GTF2E2: variants seen among roughly 807,000 people sequenced by gnomAD.
The protein encoded by GTF2E2 is transcription initiation factor IIE subunit beta.
GTF2E2 carries 21 observed loss-of-function variants against 40.5 expected under a neutral mutation model. That is an observed-to-expected ratio of 0.52 (90% CI 0.37 to 0.75). The LOEUF (loss-of-function observed/expected upper bound fraction) is 0.75. GTF2E2 is among the 30% of genes least tolerant of loss of function. GTF2E2 has a pLI of 0.00. For synonymous variants in GTF2E2, 117 were observed against 121.6 expected, an observed-to-expected ratio of 0.96 and a Z score of 0.25; for missense variants, 298 against 338.4, an observed-to-expected ratio of 0.88 and a Z score of 0.94.
intron 5 of GTF2E2, among the ~76,000 whole-genome samples, chr8:30,611,180 T>C (rs1350081996): frequency 6.6e-6 from 1 of 152,182 alleles, no homozygotes; most frequent in African/African-American, 2.4e-5. Flanking sequence ...AGACAAGGTT[T>C]GGAGTAACTG....
At chr8:30,621,161 A>G (rs1801089205) in intron 3 of GTF2E2, among the ~76,000 whole-genome samples, 1 of 151,962 alleles carries the variant, frequency 6.6e-6, no homozygotes, top group East Asian at 1.9e-4. Flanking sequence ...TTTTTTCCCC[A>G]TTACAATCAA....
At chr8:30,614,770 A>G in intron 3 of GTF2E2, 55 bp from the exon 4 acceptor site, 1 of 920,706 alleles carries the variant, frequency 1.1e-6, no homozygotes, top group Non-Finnish European at 1.8e-6. Flanking sequence ...TAGATGCATT[A>G]AATCATAGTT....
chr8:30,625,386 C>A (rs1386309637), intron 3 of GTF2E2, among the ~76,000 whole-genome samples: 1 of 152,062 alleles, frequency 6.6e-6, no homozygotes, highest in East Asian at 1.9e-4. Context: ...TACCCTCTTA[C>A]CACTGGGTTT....
At chr8:30,645,482 T>C (rs1802034906) in intron 2 of GTF2E2, 1 of 1,535,698 alleles carries the variant, frequency 6.5e-7, no homozygotes, top group African/African-American at 1.4e-5. Flanking sequence ...CTTTATGAAG[T>C]GCTTGACTGC....
chr8:30,586,717 C>T (rs183074060), intron 6 of GTF2E2, among the ~76,000 whole-genome samples: 119 of 152,252 alleles, frequency 7.8e-4, no homozygotes, highest in African/African-American at 2.7e-3. Flanking sequence ...ATTTACAATC[C>T]GCTGATCTTT....
chr8:30,594,874 G>A (rs200226754), intron 6 of GTF2E2, among the ~76,000 whole-genome samples: 93 of 148,158 alleles, frequency 6.3e-4, no homozygotes, highest in Non-Finnish European at 1.3e-3. Context: ...AAAAAAAAAA[G>A]TATATACTAG....
At chr8:30,626,828 G>A (rs1034721755) in intron 3 of GTF2E2, among the ~76,000 whole-genome samples, 1 of 152,330 alleles carries the variant, frequency 6.6e-6, no homozygotes, top group African/African-American at 2.4e-5. Flanking sequence ...ATTCCATTGT[G>A]CAGCATCTGT....
chr8:30,650,393 T>C (rs1483092776), intron 2 of GTF2E2, among the ~76,000 whole-genome samples: 8 of 152,066 alleles, frequency 5.3e-5, no homozygotes, highest in Non-Finnish European at 1.2e-4. Context: ...TACCCATTTA[T>C]GACTAAAAAC....
rs1801178925 is a variant in GTF2E2 at position 30,623,635 on chromosome 8, G to A, written c.259-8920C>T. On this transcript the variant is annotated intron_variant, in intron 3 of 7. Transcript: ENST00000355904. The stretch of plus-strand genomic sequence containing the variant: ...GAACTAGTTTACAGTCCCACCAACA[G>A]TGTAAAAGTGTTCCTGTTTCTCCAC... 2.6e-5 allele frequency among the ~76,000 whole-genome samples: 4 copies of A among 152,116 alleles called. No homozygotes were observed. The South Asian group carries it at 8.3e-4, about 32-fold the overall frequency.
At chr8:30,604,926 A>G (rs1158864932) in intron 6 of GTF2E2, among the ~76,000 whole-genome samples, 1 of 152,222 alleles carries the variant, frequency 6.6e-6, no homozygotes, top group Non-Finnish European at 1.5e-5. Context: ...AGGAAAAAGC[A>G]AAGTTAAAAC....
intron 1 of GTF2E2, among the ~76,000 whole-genome samples, chr8:30,657,211 AC>A (rs989353203): frequency 3.4e-4 from 52 of 152,128 alleles, no homozygotes; most frequent in African/African-American, 1.2e-3. Flanking sequence ...AGATCTCTGG[AC>A]CCCCCTATGG....
At position 30,607,114 on chromosome 8, in the gene GTF2E2, CG is replaced by C; in HGVS notation, c.585del (p.Asp196IlefsTer30). ...LGDQILFVNRPDKKKILFFND... is the reference protein window; with the variant it reads ...LGDQILFVNRXDKKKILFFND... Reference sequence around the variant, plus strand: ...TTGAAGAAAAGTATTTTCTTCTTATCGGGACGATTTACAAATAGTATCTGGT... The same window carrying C: ...TTGAAGAAAAGTATTTTCTTCTTATCGGACGATTTACAAATAGTATCTGGT... On this transcript the variant is annotated frameshift_variant, in exon 6 of 8. Coordinates refer to ENST00000355904, the MANE Select transcript of GTF2E2 (RefSeq NM_002095.6). LOFTEE classifies it high-confidence loss of function. 1 of 1,490,698 alleles carries C rather than the reference CG, an allele frequency of 6.7e-7. No individual in the cohort carries two copies. The highest frequency in any genetic ancestry group is 9.2e-7 in the Non-Finnish European group (1 of 1,081,814). The allele number at this position is 1,490,698 out of a possible 1,614,324, so 92.3% of individuals were successfully genotyped here.
chr8:30,589,523 T>C (rs1828778830), intron 6 of GTF2E2, among the ~76,000 whole-genome samples: 1 of 152,230 alleles, frequency 6.6e-6, no homozygotes, highest in Admixed American at 6.5e-5. Flanking sequence ...ACTGTGCCAT[T>C]ACATTCCAGC....
At chr8:30,646,231 G>C (rs765837193) in intron 2 of GTF2E2, among the ~76,000 whole-genome samples, 5 of 152,146 alleles carry the variant, frequency 3.3e-5, no homozygotes, top group Non-Finnish European at 7.3e-5. Flanking sequence ...GAAAGGCCTA[G>C]TCTATTTTCA....
Position 30,612,345 on chromosome 8 carries a change from A to G in GTF2E2, c.503T>C (p.Leu168Ser). 3 of 1,613,074 alleles carry G rather than the reference A, an allele frequency of 1.9e-6. No homozygotes were observed. The highest frequency in any genetic ancestry group is 2.5e-6 in the Non-Finnish European group (3 of 1,179,090). ...HDQRGLGGIL[L>S]EDIEEALPNS... ...GGGCAGTGCTTCTTCTATGTCTTCT[A>G]AAAGAATTCCTCCTAATCCTCGCTG... The change falls in exon 5 of 8, where the codon TTA becomes TCA. Residue 168 changes from leucine to serine, a missense_variant. Leu to Ser is a moderately radical substitution (Grantham distance 145). Transcript: ENST00000355904.
Position 30,580,405 on chromosome 8 carries a change from A to T in GTF2E2, c.644-9T>A. 2.3e-6 allele frequency: 3 copies of T among 1,325,826 alleles called. No homozygotes were observed. The highest frequency in any genetic ancestry group is 3.3e-6 in the Non-Finnish European group (3 of 916,974). The allele number at this position is 1,325,826 out of a possible 1,614,324, so 82.1% of individuals were successfully genotyped here. A position where few individuals can be genotyped will look rare whatever the true frequency, so the allele number is the denominator to read the frequency against. On this transcript the variant is annotated splice_polypyrimidine_tract_variant and intron_variant, in intron 6 of 7. Transcript: ENST00000355904. ...CCACAGTTTCTGAAATTCTGTATCA[A>T]ACAGACACTAGTTATTTTACAATCC...
chr8:30,645,582 A>C (rs1448102484), intron 2 of GTF2E2: 2 of 1,535,512 alleles, frequency 1.3e-6, no homozygotes, highest in African/African-American at 2.7e-5. Context: ...GAAAACGTGA[A>C]ACTGAAGTGG....
intron 2 of GTF2E2, among the ~76,000 whole-genome samples, chr8:30,650,184 C>T (rs532269360): frequency 6.6e-6 from 1 of 152,184 alleles, no homozygotes; most frequent in African/African-American, 2.4e-5. Context: ...AAAATCCTGA[C>T]CGAAATACCA....
intron 7 of GTF2E2, 46 bp from the exon 8 acceptor site, chr8:30,579,083 G>T: frequency 1.0e-6 from 1 of 986,328 alleles, no homozygotes; most frequent in East Asian, 2.4e-5. Flanking sequence ...CTGCTCTGAG[G>T]GGTGGTGTGG....
Sources: gnomAD v4.1 joint callset for allele counts (sites outside exome capture counted in the v4.1 genomes callset) on GRCh38, gnomAD v4.1.1 for gene constraint, MANE v1.5 for transcripts, NCBI Gene and HGNC (gene_info 2026-07-23, HGNC 2026-07-21) for gene names.